Variants in ZNRF1 observed in about 807,000 individuals in gnomAD.
ZNRF1 encodes the protein E3 ubiquitin-protein ligase ZNRF1.
In ZNRF1, 3 loss-of-function variants were observed where a neutral mutation model predicts 18.4. That is an observed-to-expected ratio of 0.16 (90% CI 0.07 to 0.42). The LOEUF (loss-of-function observed/expected upper bound fraction) is 0.42, where lower values mean the gene tolerates loss of function less well. Among genes scored for constraint, ZNRF1 ranks in the 10% least tolerant of loss-of-function variants. The pLI, the probability that ZNRF1 is intolerant of heterozygous loss-of-function variation, is 0.99. For missense variants in ZNRF1, 310 were observed against 329.8 expected, an observed-to-expected ratio of 0.94 and a Z score of 0.47; for synonymous variants, 157 against 144.2, an observed-to-expected ratio of 1.09 and a Z score of -0.64.
In ZNRF1 at chr16:75,050,870, CAAA is replaced by C. The variant is rs1165011147; in HGVS notation, c.425-42686_425-42684del. Among the ~76,000 whole-genome samples, 3 of 9,242 alleles carry C rather than the reference CAAA, an allele frequency of 3.2e-4. 1 individual carries two copies. Among genetic ancestry groups the C allele is most frequent in the South Asian group, 0.021 (2 of 96 alleles). The allele number at this position is 9,242 out of a possible 152,430, so 6.1% of individuals were successfully genotyped here. A position where few individuals can be genotyped will look rare whatever the true frequency, so the allele number is the denominator to read the frequency against. On this transcript the variant is annotated intron_variant, in intron 1 of 4. Coordinates refer to ENST00000335325, the MANE Select transcript of ZNRF1 (RefSeq NM_032268.5). The stretch of plus-strand genomic sequence containing the variant: ...TGGGCGACAGAGCAAGACTCCGTCT[CAAA>C]AAAAAAAAAAAAAAACAAAAAAAAA...
At chr16:75,086,434 A>C (rs1438974279) in intron 1 of ZNRF1, among the ~76,000 whole-genome samples, 1 of 152,184 alleles carries the variant, frequency 6.6e-6, no homozygotes, top group African/African-American at 2.4e-5. Flanking sequence ...CAAAAGCCAG[A>C]ATTCCTGGGC....
intron 1 of ZNRF1, among the ~76,000 whole-genome samples, chr16:75,021,567 T>TA (rs1177503166): frequency 2.0e-5 from 3 of 152,240 alleles, no homozygotes; most frequent in Non-Finnish European, 1.5e-5. Context: ...AAAGTGTTTT[T>TA]ATTTGTCATA....
chr16:75,018,520 A>C (rs1001308063), intron 1 of ZNRF1, among the ~76,000 whole-genome samples: 1 of 152,060 alleles, frequency 6.6e-6, no homozygotes, highest in Non-Finnish European at 1.5e-5. Context: ...TTTAAAGGGA[A>C]TGTTTCCTGC....
intron 1 of ZNRF1, among the ~76,000 whole-genome samples, chr16:75,071,294 T>G (rs1224203185): frequency 1.3e-5 from 2 of 152,140 alleles, no homozygotes; most frequent in Non-Finnish European, 2.9e-5. Flanking sequence ...GAGACAGGGT[T>G]TCGCCATGTT....
intron 1 of ZNRF1, among the ~76,000 whole-genome samples, chr16:75,043,349 G>C (rs2035473179): frequency 6.6e-6 from 1 of 152,166 alleles, no homozygotes; most frequent in African/African-American, 2.4e-5. Flanking sequence ...GAGGAAACTG[G>C]TGCTTCCCTT....
At chr16:75,096,872 G>A (rs1471266203) in intron 2 of ZNRF1, among the ~76,000 whole-genome samples, 1 of 152,134 alleles carries the variant, frequency 6.6e-6, no homozygotes, top group African/African-American at 2.4e-5. Flanking sequence ...ACTTAGGAAA[G>A]GCGAGACTAG....
intron 1 of ZNRF1, among the ~76,000 whole-genome samples, chr16:75,052,400 CAAA>C (rs201568468): frequency 5.1e-5 from 6 of 116,832 alleles, no homozygotes; most frequent in Admixed American, 9.1e-5. Context: ...GACCCTGTCT[CAAA>C]AAAAAAAAAA....
intron 4 of ZNRF1, chr16:75,106,939 C>T (rs1434788877): frequency 4.4e-6 from 1 of 225,358 alleles, no homozygotes; most frequent in Non-Finnish European, 9.2e-6. Flanking sequence ...TCGCTCACCT[C>T]TGAGTCTCCG....
At chr16:75,041,666 G>A (rs2035448485) in intron 1 of ZNRF1, among the ~76,000 whole-genome samples, 3 of 152,050 alleles carry the variant, frequency 2.0e-5, no homozygotes, top group Admixed American at 2.0e-4. Flanking sequence ...GTTAGCTAGT[G>A]ATGATCCCTT....
chr16:75,088,239 CCTT>C (rs1309669468), intron 1 of ZNRF1, among the ~76,000 whole-genome samples: 2 of 152,174 alleles, frequency 1.3e-5, no homozygotes, highest in African/African-American at 2.4e-5. Flanking sequence ...CTGGGAGAAT[CCTT>C]CTTGATCATC....
In ZNRF1 at chr16:75,062,570, G is replaced by A. The variant is rs188924827; in HGVS notation, c.425-31002G>A. Reference sequence around the variant, plus strand: ...ATCTATGTGTGTAGCAGGATCACCCGGGAGGAGCAGGGACGCCCCCTTATC... The same window carrying A: ...ATCTATGTGTGTAGCAGGATCACCCAGGAGGAGCAGGGACGCCCCCTTATC... On this transcript the variant is annotated intron_variant, in intron 1 of 4. Coordinates refer to ENST00000335325, the MANE Select transcript of ZNRF1 (RefSeq NM_032268.5). Among the ~76,000 whole-genome samples the A allele has an allele frequency of 4.9e-4, 75 of 152,344 alleles. 1 individual carries two copies. Among genetic ancestry groups the A allele is most frequent in the Admixed American group, 4.4e-3 (67 of 15,298 alleles).
At chr16:75,098,941 C>T (rs2036227869) in intron 2 of ZNRF1, among the ~76,000 whole-genome samples, 1 of 152,182 alleles carries the variant, frequency 6.6e-6, no homozygotes, top group Admixed American at 6.5e-5. Context: ...AATACTCGAG[C>T]CTGGCATGGT....
intron 1 of ZNRF1, among the ~76,000 whole-genome samples, chr16:75,041,482 G>A (rs138964834): frequency 1.3e-5 from 2 of 151,890 alleles, no homozygotes; most frequent in Non-Finnish European, 2.9e-5. Flanking sequence ...TGTGCATGCC[G>A]CCATATCCGG....
chr16:75,055,920 C>A (rs1469725330), intron 1 of ZNRF1, among the ~76,000 whole-genome samples: 1 of 152,180 alleles, frequency 6.6e-6, no homozygotes, highest in Non-Finnish European at 1.5e-5. Context: ...TGTTTCTGTT[C>A]CAGTATTTCC....
chr16:75,059,229 C>CTTTTTTTTTTTTTTTT (rs35291578), intron 1 of ZNRF1, among the ~76,000 whole-genome samples: 7 of 92,916 alleles, frequency 7.5e-5, no homozygotes, highest in Admixed American at 1.4e-4. Context: ...TTCTTTCTTT[C>CTTTTTTTTTTTTTTTT]TTTTTTTTTT....
At chr16:75,011,180 C>A (rs941240130) in intron 1 of ZNRF1, among the ~76,000 whole-genome samples, 8 of 152,046 alleles carry the variant, frequency 5.3e-5, no homozygotes, top group Admixed American at 5.2e-4. Context: ...TTGGAGAGAG[C>A]CATTAAGATT....
intron 1 of ZNRF1, among the ~76,000 whole-genome samples, chr16:75,058,788 C>G (rs935040580): frequency 2.0e-5 from 3 of 152,180 alleles, no homozygotes; most frequent in Non-Finnish European, 4.4e-5. Flanking sequence ...TGTTCCACAT[C>G]CTCGTGGTTC....
chr16:75,089,782 T>G (rs1383908068), intron 1 of ZNRF1, among the ~76,000 whole-genome samples: 1 of 152,102 alleles, frequency 6.6e-6, no homozygotes, highest in Non-Finnish European at 1.5e-5. Flanking sequence ...CTGGTGACAT[T>G]CCCTTGTAGA....
chr16:75,093,299 C>T (rs1305425825), intron 1 of ZNRF1, among the ~76,000 whole-genome samples: 2 of 151,744 alleles, frequency 1.3e-5, no homozygotes, highest in South Asian at 2.1e-4. Context: ...GCAGGAGAAT[C>T]GCTTGAACCC....
Sources: allele counts gnomAD v4.1 joint callset (sites outside exome capture counted in the v4.1 genomes callset), GRCh38; gene constraint gnomAD v4.1.1; transcripts MANE v1.5; gene names NCBI Gene and HGNC (gene_info 2026-07-23, HGNC 2026-07-21).